Variants in RABGAP1L observed in about 807,000 individuals in gnomAD.
RABGAP1L encodes the protein RAB GTPase activating protein 1 like.
Under a neutral mutation model 137.7 loss-of-function variants are expected in RABGAP1L, and 63 were observed. The observed-to-expected ratio is 0.46, with a 90% CI of 0.37 to 0.56. The LOEUF (loss-of-function observed/expected upper bound fraction) is 0.56. Among genes scored for constraint, RABGAP1L ranks in the 20% least tolerant of loss-of-function variants. RABGAP1L has a pLI of 0.00. For missense variants in RABGAP1L, 1,095 were observed against 1,244.0 expected, an observed-to-expected ratio of 0.88 and a Z score of 1.80; for synonymous variants, 431 against 433.7, an observed-to-expected ratio of 0.99 and a Z score of 0.08.
intron 3 of RABGAP1L, among the ~76,000 whole-genome samples, chr1:174,223,898 A>AC: frequency 6.6e-6 from 1 of 152,298 alleles, no homozygotes. Context: ...CCAGAAACAA[A>AC]CCTATGTATA....
intron 1 of RABGAP1L, among the ~76,000 whole-genome samples, chr1:174,194,204 G>A (rs1667408137): frequency 6.6e-6 from 1 of 151,776 alleles, no homozygotes; most frequent in Non-Finnish European, 1.5e-5. Context: ...GGTGGTGGTG[G>A]AGAATCTACG....
intron 5 of RABGAP1L, chr1:174,245,619 C>G (rs999102674): frequency 1.3e-5 from 2 of 151,112 alleles, no homozygotes; most frequent in Non-Finnish European, 2.9e-5. Context: ...TGATTTTTCA[C>G]ATTTATTTCT....
intron 19 of RABGAP1L, among the ~76,000 whole-genome samples, chr1:174,862,577 A>T (rs1650436987): frequency 1.3e-5 from 2 of 152,230 alleles, no homozygotes; most frequent in African/African-American, 4.8e-5. Flanking sequence ...AGAAAACGAA[A>T]TGCATAAAAA....
At chr1:174,435,199 G>A (rs941903268) in intron 13 of RABGAP1L, among the ~76,000 whole-genome samples, 9 of 152,002 alleles carry the variant, frequency 5.9e-5, no homozygotes, top group Non-Finnish European at 1.3e-4. Context: ...TTTGTTTTTG[G>A]TACGAACAAG....
At chr1:174,685,461 G>A (rs1362087777) in intron 15 of RABGAP1L, among the ~76,000 whole-genome samples, 1 of 152,078 alleles carries the variant, frequency 6.6e-6, no homozygotes, top group Non-Finnish European at 1.5e-5. Context: ...CACCATGTTA[G>A]CCAGGATGGT....
At chr1:174,661,815 T>A (rs1572718941) in intron 14 of RABGAP1L, among the ~76,000 whole-genome samples, 2 of 152,260 alleles carry the variant, frequency 1.3e-5, no homozygotes, top group Admixed American at 1.3e-4. Flanking sequence ...CCCAGTGACA[T>A]CATAGCATCA....
chr1:174,201,819 A>T (rs1292793133), intron 1 of RABGAP1L, among the ~76,000 whole-genome samples: 62 of 101,980 alleles, frequency 6.1e-4, no homozygotes, highest in African/African-American at 2.3e-3. Flanking sequence ...ACCCCACAAC[A>T]GTCCCCGGTG....
intron 5 of RABGAP1L, among the ~76,000 whole-genome samples, chr1:174,248,941 T>C (rs1172519703): frequency 1.3e-5 from 2 of 152,180 alleles, no homozygotes; most frequent in Admixed American, 6.5e-5. Flanking sequence ...CCTTGTTTTC[T>C]TTGTCAACCT....
chr1:174,317,733 T>C (rs116407932), intron 11 of RABGAP1L, among the ~76,000 whole-genome samples: 9,216 of 152,172 alleles, frequency 0.061, 978 homozygotes, highest in African/African-American at 0.21. Context: ...TTGCAGTCCT[T>C]ATGGTCTAGA....
intron 1 of RABGAP1L, among the ~76,000 whole-genome samples, chr1:174,191,880 A>G (rs1667234618): frequency 6.6e-6 from 1 of 152,216 alleles, no homozygotes; most frequent in Non-Finnish European, 1.5e-5. Context: ...AGAGTAAGCA[A>G]AGGTCTAGAA....
intron 14 of RABGAP1L, among the ~76,000 whole-genome samples, chr1:174,665,130 A>T (rs535500904): frequency 6.6e-6 from 1 of 152,176 alleles, no homozygotes; most frequent in African/African-American, 2.4e-5. Flanking sequence ...TTGGCATTTT[A>T]TAGTTAGGTT....
At position 174,912,980 on chromosome 1, in the gene RABGAP1L, C is replaced by CT. The variant is rs776664058; in HGVS notation, c.2341-44464dup. Among the ~76,000 whole-genome samples, 1,217 of 143,924 alleles carry CT rather than the reference C, an allele frequency of 8.5e-3. 6 individuals are homozygous for CT. The highest frequency in any genetic ancestry group is 0.011 in the Non-Finnish European group (715 of 65,292). 94.4% of individuals were successfully genotyped at this position (143,924 alleles called of 152,430 possible). On this transcript the variant is annotated intron_variant, in intron 19 of 25. Transcript: ENST00000681986. ...ACTGTCTACATGCTTATTTCTTTAG[C>CT]TTTTTTTTTTTTTGAGATGAAGTCT...
At chr1:174,283,034 A>G (rs1460613363) in intron 10 of RABGAP1L, among the ~76,000 whole-genome samples, 1 of 152,036 alleles carries the variant, frequency 6.6e-6, no homozygotes, top group Non-Finnish European at 1.5e-5. Flanking sequence ...AACCTTTCTC[A>G]TTCTTAGTTT....
intron 13 of RABGAP1L, among the ~76,000 whole-genome samples, chr1:174,550,977 T>G (rs1486745726): frequency 3.4e-5 from 3 of 87,486 alleles, no homozygotes; most frequent in South Asian, 6.7e-4. Flanking sequence ...TATACATGTA[T>G]ATATACATAT....
At chr1:174,393,190 G>A (rs1647366436) in intron 12 of RABGAP1L, among the ~76,000 whole-genome samples, 1 of 152,158 alleles carries the variant, frequency 6.6e-6, no homozygotes, top group African/African-American at 2.4e-5. Context: ...GCAAGTTGGA[G>A]TTGTTGTGTA....
chr1:174,974,988 C>T (rs1025126820), intron 21 of RABGAP1L, among the ~76,000 whole-genome samples: 1 of 152,248 alleles, frequency 6.6e-6, no homozygotes, highest in Non-Finnish European at 1.5e-5. Context: ...GGGATAGCTT[C>T]TTCACATAAT....
At chr1:174,875,621 C>T (rs898594466) in intron 19 of RABGAP1L, 8 of 985,266 alleles carry the variant, frequency 8.1e-6, no homozygotes, top group Non-Finnish European at 8.4e-6. Context: ...GAAAATGTTG[C>T]AAGATAATCT....
At chr1:174,860,312 T>C (rs1465946918) in intron 19 of RABGAP1L, among the ~76,000 whole-genome samples, 1 of 152,102 alleles carries the variant, frequency 6.6e-6, no homozygotes, top group Non-Finnish European at 1.5e-5. Flanking sequence ...TTTATTTATA[T>C]AAATCTTAGC....
intron 1 of RABGAP1L, among the ~76,000 whole-genome samples, chr1:174,195,696 C>CTTT (rs1558021446): frequency 2.1e-4 from 23 of 111,094 alleles, no homozygotes; most frequent in African/African-American, 9.2e-4. Flanking sequence ...TTCCTTCTTT[C>CTTT]CTTCTTTCCT....
Sources: gnomAD v4.1 joint callset for allele counts (sites outside exome capture counted in the v4.1 genomes callset) on GRCh38, gnomAD v4.1.1 for gene constraint, MANE v1.5 for transcripts, NCBI Gene and HGNC (gene_info 2026-07-23, HGNC 2026-07-21) for gene names.